BCAS3: variants seen among roughly 807,000 people sequenced by gnomAD.
BCAS3 encodes the protein BCAS4/BCAS3 fusion.
BCAS3 carries 53 observed loss-of-function variants against 116.1 expected under a neutral mutation model. The observed-to-expected ratio is 0.46, with a 90% CI of 0.37 to 0.57. BCAS3 has a LOEUF of 0.57. Ranked by LOEUF, BCAS3 falls within the 20% of genes least tolerant of loss-of-function variation. The pLI is 0.00. For missense variants in BCAS3, 917 were observed against 1,165.4 expected (o/e 0.79, Z 3.10); for synonymous variants, 391 against 408.2 (o/e 0.96, Z 0.51).
At chr17:60,916,164 G>A (rs1055899818) in intron 12 of BCAS3, among the ~76,000 whole-genome samples, 3 of 152,174 alleles carry the variant, frequency 2.0e-5, no homozygotes, top group African/African-American at 7.2e-5. Context: ...CTCTGTAAAT[G>A]CCCAAGAGTA....
At position 60,736,642 on chromosome 17, in the gene BCAS3, G is replaced by A. The variant is rs1253991714; in HGVS notation, c.322-10556G>A. ...GTAGAATTCACCAGTGAATTCATCT[G>A]GTCCTGGGTGCTTTCTATTTTGGAA... On this transcript the variant is annotated intron_variant, in intron 5 of 23. Transcript: ENST00000407086. 2.6e-5 allele frequency among the ~76,000 whole-genome samples: 4 copies of A among 152,176 alleles called. 1 individual carries two copies. The East Asian group carries it at 7.7e-4, about 29-fold the overall frequency.
At chr17:61,099,587 G>A (rs2074195840) in intron 22 of BCAS3, among the ~76,000 whole-genome samples, 1 of 152,100 alleles carries the variant, frequency 6.6e-6, no homozygotes, top group East Asian at 1.9e-4. Flanking sequence ...TATCTTTTAT[G>A]TTATGCTTTT....
chr17:61,221,833 AC>A (rs2082128639), intron 22 of BCAS3, among the ~76,000 whole-genome samples: 3 of 152,222 alleles, frequency 2.0e-5, no homozygotes, highest in African/African-American at 7.2e-5. Flanking sequence ...CCCTAGCGTT[AC>A]CCGGAATGCT....
intron 22 of BCAS3, among the ~76,000 whole-genome samples, chr17:61,269,638 G>C (rs901115661): frequency 1.3e-5 from 2 of 152,058 alleles, no homozygotes; most frequent in Non-Finnish European, 2.9e-5. Flanking sequence ...TGTTTTGATA[G>C]TGGCCAACTT....
chr17:60,811,532 A>AG, intron 7 of BCAS3: 3 of 370,670 alleles, frequency 8.1e-6, no homozygotes, highest in Non-Finnish European at 1.6e-5. Flanking sequence ...AAAAAAAAAA[A>AG]GAAAAAAGAA....
At chr17:61,016,931 A>G (rs762288301) in intron 16 of BCAS3, 1 of 152,162 alleles carries the variant, frequency 6.6e-6, no homozygotes, top group Non-Finnish European at 1.5e-5. Flanking sequence ...CAACATAGAA[A>G]TTGACTCTGT....
rs116430529 is a variant in BCAS3 at position 61,379,841 on chromosome 17, C to T, written c.2593+11347C>T. 1,541 of 153,218 alleles carry T rather than the reference C, an allele frequency of 0.01. 26 individuals are homozygous for T. The highest frequency in any genetic ancestry group is 0.034 in the African/African-American group (1,418 of 41,520). The allele number at this position is 153,218 out of a possible 1,614,324, so 9.5% of individuals were successfully genotyped here. ...TTTGTTCAGGATGACTTTTCCATTC[C>T]ACGCCCGCTGTGTTCGTTTTCCTGG... is the stretch of plus-strand genomic sequence containing the variant. On this transcript the variant is annotated intron_variant, in intron 23 of 23. Coordinates refer to ENST00000407086, the MANE Select transcript of BCAS3 (RefSeq NM_017679.5). The surrounding 1 kb of genome is among the most constrained non-coding windows in gnomAD (Gnocchi z 5.5).
intron 7 of BCAS3, among the ~76,000 whole-genome samples, chr17:60,848,555 G>A (rs376466780): frequency 6.6e-5 from 10 of 152,048 alleles, no homozygotes; most frequent in Non-Finnish European, 1.2e-4. Flanking sequence ...ATTGCTTTGC[G>A]TAGATCTTTC....
chr17:61,238,857 C>T (rs2083268388), intron 22 of BCAS3, among the ~76,000 whole-genome samples: 1 of 152,056 alleles, frequency 6.6e-6, no homozygotes, highest in South Asian at 2.1e-4. Context: ...AGCACTGAAA[C>T]GTGTGTCCCA....
Position 61,326,485 on chromosome 17 carries a change from G to A in BCAS3, c.2426-41842G>A, listed in dbSNP as rs144675796. Among the ~76,000 whole-genome samples the A allele has an allele frequency of 5.8e-3, 885 of 152,342 alleles. 16 individuals are homozygous for A. Among genetic ancestry groups the A allele is most frequent in the African/African-American group, 0.02 (831 of 41,578 alleles). ...AGATCACTCTGACCTTACTGTGGAAGACAGGAGACTGTTAGAGAAGTCGAG... is the reference window on the plus strand; with the variant it reads ...AGATCACTCTGACCTTACTGTGGAAAACAGGAGACTGTTAGAGAAGTCGAG... On this transcript the variant is annotated intron_variant, in intron 22 of 23. Coordinates refer to ENST00000407086, the MANE Select transcript of BCAS3 (RefSeq NM_017679.5). The surrounding 1 kb of genome is among the most constrained non-coding windows in gnomAD (Gnocchi z 5.3).
Position 61,282,341 on chromosome 17 carries a change from GA to G in BCAS3, c.2426-85984del, listed in dbSNP as rs1336628640. Among the ~76,000 whole-genome samples the G allele has an allele frequency of 1.5e-4, 23 of 152,226 alleles. No homozygotes were observed. The highest frequency in any genetic ancestry group is 4.6e-4 in the African/African-American group (19 of 41,456). On this transcript the variant is annotated intron_variant, in intron 22 of 23. Coordinates refer to ENST00000407086, the MANE Select transcript of BCAS3 (RefSeq NM_017679.5). This position sits in a 1 kb window ranked among gnomAD's most constrained non-coding sequence, Gnocchi z 5.9. ...CTTTCCTGAGCCTTGGTTGGGAGCT[GA>G]ATGAGAAGGGGCAATTGGGCCTCTG...
intron 8 of BCAS3, 37 bp downstream of exon 8, chr17:60,868,720 G>A: frequency 7.6e-7 from 1 of 1,313,182 alleles, no homozygotes; most frequent in Non-Finnish European, 1.1e-6. Context: ...TGTAAAATAA[G>A]AAACATGCTC....
Position 60,961,902 on chromosome 17 carries a change from C to T in BCAS3, c.1221+14550C>T, listed in dbSNP as rs1165585238. ...ATGAACTACAAAAGGATCAAAGATC[C>T]ACTTTTGTAGTTCCCACCTAGGAGT... is the stretch of plus-strand genomic sequence containing the variant. On this transcript the variant is annotated intron_variant, in intron 14 of 23. Coordinates refer to ENST00000407086, the MANE Select transcript of BCAS3 (RefSeq NM_017679.5). This position sits in a 1 kb window ranked among gnomAD's most constrained non-coding sequence, Gnocchi z 4.8. Among the ~76,000 whole-genome samples the T allele has an allele frequency of 6.6e-6, 1 of 152,084 alleles. No homozygotes were observed. The highest frequency in any genetic ancestry group is 6.6e-5 in the Admixed American group (1 of 15,262).
Position 61,226,271 on chromosome 17 carries a change from T to TA in BCAS3, c.2425+141713dup, listed in dbSNP as rs2144408090. ...TTCTTGTTATGTCCAAAATTCTCTA[T>TA]AAAAAATTCAGGAAATAATTGTTTT... On this transcript the variant is annotated intron_variant, in intron 22 of 23. Coordinates refer to ENST00000407086, the MANE Select transcript of BCAS3 (RefSeq NM_017679.5). This position sits in a 1 kb window ranked among gnomAD's most constrained non-coding sequence, Gnocchi z 6.0. 6.6e-6 allele frequency among the ~76,000 whole-genome samples: 1 copy of TA among 152,330 alleles called. No individual in the cohort carries two copies. Among genetic ancestry groups the TA allele is most frequent in the Non-Finnish European group, 1.5e-5 (1 of 68,034 alleles).
At chr17:60,921,226 C>T (rs1251787520) in intron 12 of BCAS3, among the ~76,000 whole-genome samples, 1 of 152,146 alleles carries the variant, frequency 6.6e-6, no homozygotes, top group Non-Finnish European at 1.5e-5. Flanking sequence ...TACTACACAG[C>T]CATAAAGAGA....
At position 61,082,577 on chromosome 17, in the gene BCAS3, G is replaced by A. The variant is rs1251165732; in HGVS notation, c.2328-1890G>A. Among the ~76,000 whole-genome samples, 1 of 152,196 alleles carries A rather than the reference G, an allele frequency of 6.6e-6. No homozygotes were observed. Among genetic ancestry groups the A allele is most frequent in the Non-Finnish European group, 1.5e-5 (1 of 68,036 alleles). ...GGAGTTGTATTAGCCCACATAGGAA[G>A]TTGTTTAGACTAGAAGGGGGCATAA... On this transcript the variant is annotated intron_variant, in intron 21 of 23. Transcript: ENST00000407086. This position sits in a 1 kb window ranked among gnomAD's most constrained non-coding sequence, Gnocchi z 5.1.
intron 14 of BCAS3, among the ~76,000 whole-genome samples, chr17:60,988,067 G>A (rs567546967): frequency 5.3e-4 from 80 of 152,044 alleles, no homozygotes; most frequent in African/African-American, 1.9e-3. Flanking sequence ...TGTATTTCCA[G>A]CATCAGTTGA....
In BCAS3 at chr17:61,377,408, T is replaced by C. The variant is rs537762293; in HGVS notation, c.2593+8914T>C. Among the ~76,000 whole-genome samples the C allele has an allele frequency of 6.6e-6, 1 of 152,314 alleles. No individual in the cohort carries two copies. Among genetic ancestry groups the C allele is most frequent in the East Asian group, 1.9e-4 (1 of 5,184 alleles). ...GGTTCAGTGTCGGATTGCCTATTCC[T>C]AGCTATTTTCCACTGGCAGGAGAGG... On this transcript the variant is annotated intron_variant, in intron 23 of 23. Coordinates refer to ENST00000407086, the MANE Select transcript of BCAS3 (RefSeq NM_017679.5). The surrounding 1 kb of genome is among the most constrained non-coding windows in gnomAD (Gnocchi z 4.6).
chr17:60,693,335 A>G (rs185364248), intron 4 of BCAS3, among the ~76,000 whole-genome samples: 7 of 152,126 alleles, frequency 4.6e-5, no homozygotes, highest in Admixed American at 1.3e-4. Context: ...TTACTCTAGT[A>G]TAATGGGAAT....
Sources: gnomAD v4.1 joint callset for allele counts (sites outside exome capture counted in the v4.1 genomes callset) on GRCh38, gnomAD v4.1.1 for gene constraint, Gnocchi (gnomAD v3.1) non-coding constraint, MANE v1.5 for transcripts, NCBI Gene and HGNC (gene_info 2026-07-23, HGNC 2026-07-21) for gene names.